PAM: variants seen among roughly 807,000 people sequenced by gnomAD.
PAM encodes the protein peptidylglycine alpha-amidating monooxygenase.
PAM carries 72 observed loss-of-function variants against 122.1 expected under a neutral mutation model. The observed-to-expected ratio is 0.59, with a 90% CI of 0.49 to 0.72. The LOEUF is 0.72. Among genes scored for constraint, PAM ranks in the 30% least tolerant of loss-of-function variants. The pLI is 0.00. For missense variants in PAM, 1,106 were observed against 1,183.7 expected, an observed-to-expected ratio of 0.93 and a Z score of 0.96; for synonymous variants, 389 against 404.4, an observed-to-expected ratio of 0.96 and a Z score of 0.46.
chr5:102,803,693 T>C (rs1299936784), intron 1 of PAM, among the ~76,000 whole-genome samples: 3 of 152,196 alleles, frequency 2.0e-5, no homozygotes, highest in Non-Finnish European at 4.4e-5. Flanking sequence ...CTTTAAAAGA[T>C]TGAAAAAATT....
At chr5:102,942,375 G>A (rs1188140060) in intron 7 of PAM, among the ~76,000 whole-genome samples, 2 of 151,954 alleles carry the variant, frequency 1.3e-5, no homozygotes, top group Non-Finnish European at 2.9e-5. Flanking sequence ...CAGCTTAATA[G>A]TCAAATAGTT....
chr5:102,816,143 C>T lies in PAM; in HGVS notation c.-373-49680C>T, dbSNP rs141542812. ...TAATTATTGGATTGCAGTTATTTTT[C>T]AGAAGTGTTTACTCCGAGTTGAGGT... is the stretch of plus-strand genomic sequence containing the variant. On this transcript the variant is annotated intron_variant, in intron 1 of 25. Coordinates refer to ENST00000438793, the MANE Select transcript of PAM (RefSeq NM_001177306.2). Among the ~76,000 whole-genome samples, 718 of 152,162 alleles carry T rather than the reference C, an allele frequency of 4.7e-3. 7 individuals are homozygous for T. The highest frequency in any genetic ancestry group is 0.017 in the African/African-American group (687 of 41,506).
intron 16 of PAM, among the ~76,000 whole-genome samples, chr5:102,997,106 G>T (rs1775921830): frequency 6.6e-6 from 1 of 152,070 alleles, no homozygotes; most frequent in African/African-American, 2.4e-5. Flanking sequence ...AACATAAAAT[G>T]CCCTTTATAC....
At chr5:102,813,895 A>G (rs939508806) in intron 1 of PAM, among the ~76,000 whole-genome samples, 1 of 152,180 alleles carries the variant, frequency 6.6e-6, no homozygotes, top group African/African-American at 2.4e-5. Context: ...GATGGTAGCC[A>G]TCTTTTGTGG....
intron 5 of PAM, among the ~76,000 whole-genome samples, chr5:102,920,766 G>A (rs554896255): frequency 1.3e-5 from 2 of 151,670 alleles, no homozygotes; most frequent in South Asian, 4.2e-4. Context: ...TGGAATTTAA[G>A]GCTATACAGA....
Position 102,999,236 on chromosome 5 carries a change from G to A in PAM, c.1614-3797G>A, listed in dbSNP as rs184537191. ...GCCCCATCCAAGTCCAGAATCCAGC[G>A]GGGCAGTCAAATCTTAGAGCTCCAA... On this transcript the variant is annotated intron_variant, in intron 16 of 25. Coordinates refer to ENST00000438793, the MANE Select transcript of PAM (RefSeq NM_001177306.2). 4.1e-3 allele frequency among the ~76,000 whole-genome samples: 626 copies of A among 152,240 alleles called. 2 individuals carry two copies. The highest frequency in any genetic ancestry group is 0.014 in the African/African-American group (586 of 41,550).
In PAM at chr5:102,786,531, G is replaced by A. The variant is rs930865983; in HGVS notation, c.-374+31183G>A. On this transcript the variant is annotated intron_variant, in intron 1 of 25. Transcript: ENST00000438793. Reference sequence around the variant, plus strand: ...GTTTCTGTTAGTTTTATGAACTGCTGAACATCAAAGGGAATGATTATAAAC... The same window carrying A: ...GTTTCTGTTAGTTTTATGAACTGCTAAACATCAAAGGGAATGATTATAAAC... 2.6e-5 allele frequency among the ~76,000 whole-genome samples: 4 copies of A among 152,044 alleles called. No homozygotes were observed. The East Asian group carries it at 7.7e-4, about 29-fold the overall frequency.
At chr5:102,765,624 GC>G (rs2149708945) in intron 1 of PAM, among the ~76,000 whole-genome samples, 1 of 152,224 alleles carries the variant, frequency 6.6e-6, no homozygotes, top group East Asian at 1.9e-4. Flanking sequence ...AAACCGGGTG[GC>G]TTAAACCACA....
At chr5:102,973,029 T>C (rs1766397058) in intron 14 of PAM, among the ~76,000 whole-genome samples, 1 of 152,258 alleles carries the variant, frequency 6.6e-6, no homozygotes, top group African/African-American at 2.4e-5. Flanking sequence ...AAACCAGTTA[T>C]CATTTTCATT....
At chr5:102,995,464 T>G (rs986134833) in intron 16 of PAM, among the ~76,000 whole-genome samples, 4 of 152,120 alleles carry the variant, frequency 2.6e-5, no homozygotes, top group Non-Finnish European at 5.9e-5. Flanking sequence ...GAAAATCACG[T>G]TTTTTTGAAG....
rs1554134180 is a variant in PAM, at chr5:102,950,416, G to GGTGTGT, written c.802-282_802-277dup. Among the ~76,000 whole-genome samples, 12 of 146,060 alleles carry GGTGTGT rather than the reference G, an allele frequency of 8.2e-5. No individual in the cohort carries two copies. The South Asian group carries it at 1.1e-3, about 13-fold the overall frequency. ...CAGTGATTATTTGTGTATGTGGGTGGGTGTGTGTGTGTGTGTGTGTGTGTC... is the reference window on the plus strand; with the variant it reads ...CAGTGATTATTTGTGTATGTGGGTGGGTGTGTGTGTGTGTGTGTGTGTGTGTGTGTC... On this transcript the variant is annotated intron_variant, in intron 11 of 25. Transcript: ENST00000438793.
intron 3 of PAM, among the ~76,000 whole-genome samples, chr5:102,871,108 G>A (rs1426461661): frequency 6.6e-6 from 1 of 152,096 alleles, no homozygotes; most frequent in African/African-American, 2.4e-5. Flanking sequence ...GATGCATTGG[G>A]GCTGGGCTGA....
At chr5:102,785,822 G>T (rs1361164036) in intron 1 of PAM, among the ~76,000 whole-genome samples, 1 of 152,060 alleles carries the variant, frequency 6.6e-6, no homozygotes, top group African/African-American at 2.4e-5. Context: ...CAAATGGGGA[G>T]TAAGGAGTGG....
At chr5:102,863,963 A>G (rs1784829338) in intron 1 of PAM, among the ~76,000 whole-genome samples, 1 of 151,180 alleles carries the variant, frequency 6.6e-6, no homozygotes, top group African/African-American at 2.4e-5. Flanking sequence ...TGGTTTAGGG[A>G]CATCAAAGGT....
chr5:102,844,101 A>G (rs1779353894), intron 1 of PAM, among the ~76,000 whole-genome samples: 1 of 152,224 alleles, frequency 6.6e-6, no homozygotes. Flanking sequence ...GTACATCTGT[A>G]CTATGTAAGG....
chr5:102,778,480 T>A (rs184948717), intron 1 of PAM, among the ~76,000 whole-genome samples: 7 of 152,264 alleles, frequency 4.6e-5, no homozygotes, highest in African/African-American at 1.7e-4. Context: ...GGATTCAGAA[T>A]AATCAAAACT....
chr5:102,987,615 A>G (rs893922047), intron 15 of PAM: 1 of 440,502 alleles, frequency 2.3e-6, no homozygotes, highest in African/African-American at 2.0e-5. Context: ...TGCTTGTATC[A>G]AAATATCACA....
At chr5:102,886,948 G>A (rs920999741) in intron 3 of PAM, among the ~76,000 whole-genome samples, 9 of 152,058 alleles carry the variant, frequency 5.9e-5, no homozygotes, top group South Asian at 2.1e-4. Context: ...CTTCAATACA[G>A]GTAGGAAAGT....
chr5:102,872,573 C>T (rs1346044539), intron 3 of PAM, among the ~76,000 whole-genome samples: 1 of 152,168 alleles, frequency 6.6e-6, no homozygotes. Context: ...AAGAACCCAG[C>T]TTTCATGGGC....
Sources: allele counts gnomAD v4.1 joint callset (sites outside exome capture counted in the v4.1 genomes callset), GRCh38; gene constraint gnomAD v4.1.1; transcripts MANE v1.5; gene names NCBI Gene and HGNC (gene_info 2026-07-23, HGNC 2026-07-21).